The following SCLT1 variants were observed in gnomAD, a reference collection of about 807,000 sequenced individuals.
SCLT1 encodes the protein sodium channel-associated protein 1.
Under a neutral mutation model 112.8 loss-of-function variants are expected in SCLT1, and 78 were observed. The ratio of observed to expected loss-of-function variants is 0.69; its 90% CI spans 0.58 to 0.83. The LOEUF (loss-of-function observed/expected upper bound fraction) is 0.83, where lower values mean the gene tolerates loss of function less well. Among genes scored for constraint, SCLT1 ranks in the 40% least tolerant of loss-of-function variants. SCLT1 has a pLI of 0.00. For synonymous variants in SCLT1, 257 were observed against 254.7 expected, an observed-to-expected ratio of 1.01 and a Z score of -0.09; for missense variants, 747 against 770.4, an observed-to-expected ratio of 0.97 and a Z score of 0.36.
intron 16 of SCLT1, among the ~76,000 whole-genome samples, chr4:128,943,438 G>A (rs963224871): frequency 6.6e-6 from 1 of 152,082 alleles, no homozygotes; most frequent in Non-Finnish European, 1.5e-5. Context: ...GAAAATCAAT[G>A]TGAGACTTCT....
intron 3 of SCLT1, among the ~76,000 whole-genome samples, chr4:128,878,691 G>A (rs1032841054): frequency 5.9e-5 from 9 of 152,024 alleles, no homozygotes; most frequent in African/African-American, 1.9e-4. Context: ...TTTTTTGGTC[G>A]ATTAAAATTG....
intron 5 of SCLT1, among the ~76,000 whole-genome samples, chr4:129,024,452 C>T (rs1374309930): frequency 6.6e-6 from 1 of 152,196 alleles, no homozygotes; most frequent in Non-Finnish European, 1.5e-5. Context: ...CTGGAATGGA[C>T]CTCTAGGAAA....
intron 7 of SCLT1, among the ~76,000 whole-genome samples, chr4:128,998,347 T>G (rs1306527108): frequency 1.3e-5 from 2 of 151,938 alleles, no homozygotes; most frequent in Admixed American, 6.6e-5. Flanking sequence ...CAGGAGTTAC[T>G]GCCCACCTTT....
At chr4:128,921,336 T>C (rs914125584) in intron 18 of SCLT1, among the ~76,000 whole-genome samples, 1 of 147,518 alleles carries the variant, frequency 6.8e-6, no homozygotes, top group Non-Finnish European at 1.5e-5. Flanking sequence ...AAAAAAGAGA[T>C]CGAATAGCCA....
intron 5 of SCLT1, among the ~76,000 whole-genome samples, chr4:129,005,565 G>A (rs546252570): frequency 6.6e-6 from 1 of 152,324 alleles, no homozygotes; most frequent in South Asian, 2.1e-4. Flanking sequence ...TACACTGTTG[G>A]TGGGACTGTA....
At chr4:128,900,418 C>A (rs1267919203) in intron 18 of SCLT1, among the ~76,000 whole-genome samples, 2 of 152,044 alleles carry the variant, frequency 1.3e-5, no homozygotes, top group Non-Finnish European at 2.9e-5. Context: ...GAAAAACAAG[C>A]AATGGGGAAA....
At chr4:128,929,730 G>A (rs1736604344) in intron 18 of SCLT1, among the ~76,000 whole-genome samples, 1 of 152,188 alleles carries the variant, frequency 6.6e-6, no homozygotes, top group African/African-American at 2.4e-5. Flanking sequence ...GCAGTGCAAA[G>A]TATAATAGCA....
chr4:129,027,587 A>G (rs1490424512), intron 5 of SCLT1, among the ~76,000 whole-genome samples: 1 of 152,066 alleles, frequency 6.6e-6, no homozygotes, highest in African/African-American at 2.4e-5. Context: ...ATGGGCAAAA[A>G]CTGGAAGCAT....
chr4:128,897,613 A>C (rs897189924), intron 18 of SCLT1, among the ~76,000 whole-genome samples: 2 of 152,144 alleles, frequency 1.3e-5, no homozygotes, highest in Non-Finnish European at 2.9e-5. Context: ...AACTGCATCA[A>C]CTAACGAGCA....
At chr4:129,084,732 A>G (rs1047580987) in intron 1 of SCLT1, among the ~76,000 whole-genome samples, 1 of 152,202 alleles carries the variant, frequency 6.6e-6, no homozygotes, top group Non-Finnish European at 1.5e-5. Flanking sequence ...ACCTACAACT[A>G]TCTGATCTTC....
intron 4 of SCLT1, among the ~76,000 whole-genome samples, chr4:129,041,279 A>C (rs1465725044): frequency 6.6e-6 from 1 of 152,224 alleles, no homozygotes; most frequent in Non-Finnish European, 1.5e-5. Context: ...AGGCTAAAAA[A>C]TACACAATAA....
intron 2 of SCLT1, among the ~76,000 whole-genome samples, chr4:129,057,562 T>G (rs959362807): frequency 6.6e-6 from 1 of 151,520 alleles, no homozygotes; most frequent in Non-Finnish European, 1.5e-5. Context: ...GCTAGTTTTT[T>G]TTTTTTTTTT....
At chr4:128,946,878 A>G (rs1738214010) in intron 15 of SCLT1, among the ~76,000 whole-genome samples, 1 of 152,088 alleles carries the variant, frequency 6.6e-6, no homozygotes, top group Admixed American at 6.5e-5. Context: ...ACCTAAGCTC[A>G]GCTTTCCATG....
At chr4:128,988,163 T>C (rs189606173) in intron 9 of SCLT1, among the ~76,000 whole-genome samples, 55 of 152,238 alleles carry the variant, frequency 3.6e-4, no homozygotes, top group African/African-American at 1.3e-3. Flanking sequence ...CACAGACAAA[T>C]ACAGAATATT....
chr4:128,975,907 C>T (rs1262701151), intron 9 of SCLT1, among the ~76,000 whole-genome samples: 1 of 152,088 alleles, frequency 6.6e-6, no homozygotes, highest in Non-Finnish European at 1.5e-5. Flanking sequence ...GAAACCTATT[C>T]AAGACAGAAG....
At chr4:129,001,663 C>A (rs914859226) in intron 6 of SCLT1, among the ~76,000 whole-genome samples, 1 of 151,934 alleles carries the variant, frequency 6.6e-6, no homozygotes, top group Non-Finnish European at 1.5e-5. Flanking sequence ...AAGATTTCTA[C>A]AAATCATACT....
At chr4:129,001,733 T>G (rs554758443) in intron 6 of SCLT1, among the ~76,000 whole-genome samples, 55 of 152,202 alleles carry the variant, frequency 3.6e-4, no homozygotes, top group Non-Finnish European at 5.7e-4. Flanking sequence ...ATTGTGCTAT[T>G]GCTATTGGCT....
At chr4:128,901,520 G>A (rs1734293083) in intron 18 of SCLT1, among the ~76,000 whole-genome samples, 1 of 64,490 alleles carries the variant, frequency 1.6e-5, no homozygotes, top group Non-Finnish European at 2.7e-5. Flanking sequence ...AGGGCCTATT[G>A]TGGGGTGGTG....
At chr4:129,053,557 ATTTTTTTTTTTTTT>A (rs528905688) in intron 2 of SCLT1, among the ~76,000 whole-genome samples, 54 of 45,234 alleles carry the variant, frequency 1.2e-3, no homozygotes, top group South Asian at 3.4e-3. Flanking sequence ...GCAATCCCTG[ATTTTTTTTTTTTTT>A]TTTTTTTTTT....
Sources: gnomAD v4.1 joint callset for allele counts (sites outside exome capture counted in the v4.1 genomes callset) on GRCh38, gnomAD v4.1.1 for gene constraint, MANE v1.5 for transcripts, NCBI Gene and HGNC (gene_info 2026-07-23, HGNC 2026-07-21) for gene names.